CSMD1: variants seen among roughly 807,000 people sequenced by gnomAD.
The protein encoded by CSMD1 is CUB and sushi domain-containing protein 1.
Under a neutral mutation model 417.5 loss-of-function variants are expected in CSMD1, and 213 were observed. That is an observed-to-expected ratio of 0.51 (90% CI 0.46 to 0.57). The LOEUF is 0.57. Among genes scored for constraint, CSMD1 ranks in the 20% least tolerant of loss-of-function variants. CSMD1 has a pLI of 0.00. For missense variants in CSMD1, 6,923 were observed against 4,529.7 expected (o/e 1.53, Z -15.17); for synonymous variants, 2,862 against 1,736.8 (o/e 1.65, Z -16.11).
At chr8:4,761,145 G>C (rs987791370) in intron 1 of CSMD1, among the ~76,000 whole-genome samples, 2 of 151,956 alleles carry the variant, frequency 1.3e-5, no homozygotes, top group Non-Finnish European at 2.9e-5. Flanking sequence ...ACACGTAAAG[G>C]AAATGAAAAA....
intron 2 of CSMD1, among the ~76,000 whole-genome samples, chr8:4,543,888 G>A (rs1020072794): frequency 1.3e-5 from 2 of 152,148 alleles, no homozygotes; most frequent in African/African-American, 2.4e-5. Context: ...GACATAAGAT[G>A]TGGAGCGCCT....
At chr8:4,510,169 G>A (rs1563243819) in intron 2 of CSMD1, among the ~76,000 whole-genome samples, 1 of 151,868 alleles carries the variant, frequency 6.6e-6, no homozygotes, top group Admixed American at 6.6e-5. Flanking sequence ...TGGAAGACGT[G>A]ACTTTGCTCC....
intron 6 of CSMD1, among the ~76,000 whole-genome samples, chr8:3,729,922 T>TAAAAAAAAAAAAAAAAAAAAAA (rs1160679199): frequency 2.1e-5 from 1 of 47,062 alleles, no homozygotes; most frequent in African/African-American, 1.4e-4. Flanking sequence ...CAATTCAAAG[T>TAAAAAAAAAAAAAAAAAAAAAA]AAAAAAAAAA....
intron 5 of CSMD1, among the ~76,000 whole-genome samples, chr8:3,760,240 G>A (rs1301359187): frequency 6.6e-6 from 1 of 152,178 alleles, no homozygotes; most frequent in African/African-American, 2.4e-5. Context: ...AGCTCCTTTA[G>A]AGATGGCAAA....
chr8:4,378,075 T>A (rs1285926412), intron 3 of CSMD1, among the ~76,000 whole-genome samples: 1 of 152,180 alleles, frequency 6.6e-6, no homozygotes, highest in Non-Finnish European at 1.5e-5. Flanking sequence ...AATTACAGAC[T>A]CCGAAGGTGA....
chr8:4,557,822 T>A (rs1046884087), intron 2 of CSMD1, among the ~76,000 whole-genome samples: 1 of 152,220 alleles, frequency 6.6e-6, no homozygotes, highest in Non-Finnish European at 1.5e-5. Context: ...CATTTCTCGT[T>A]ACGTTTCATA....
At chr8:3,973,317 G>A (rs1415019223) in intron 5 of CSMD1, among the ~76,000 whole-genome samples, 1 of 152,124 alleles carries the variant, frequency 6.6e-6, no homozygotes, top group Non-Finnish European at 1.5e-5. Flanking sequence ...AATATCAGTT[G>A]AATGTCTGCA....
chr8:3,226,028 C>T (rs1281971516), intron 27 of CSMD1, among the ~76,000 whole-genome samples: 2 of 152,202 alleles, frequency 1.3e-5, no homozygotes, highest in African/African-American at 2.4e-5. Context: ...AGCTCCTTCA[C>T]CACCAGGGTT....
chr8:3,128,432 A>C (rs1451054273), intron 41 of CSMD1: 1 of 161,832 alleles, frequency 6.2e-6, no homozygotes, highest in African/African-American at 2.4e-5. Context: ...GTCATAAATA[A>C]ATGACAAACT....
chr8:3,380,708 G>T (rs558024126), intron 18 of CSMD1, among the ~76,000 whole-genome samples: 2 of 152,156 alleles, frequency 1.3e-5, no homozygotes. Flanking sequence ...ATGGACACAG[G>T]CTGGGGAAAC....
intron 6 of CSMD1, among the ~76,000 whole-genome samples, chr8:3,748,186 A>G (rs997400309): frequency 2.6e-5 from 4 of 152,230 alleles, no homozygotes; most frequent in African/African-American, 9.6e-5. Context: ...GAGAGAAATT[A>G]AAGTAGATAT....
chr8:3,330,279 TA>T (rs1224770063), intron 23 of CSMD1, among the ~76,000 whole-genome samples: 1 of 152,164 alleles, frequency 6.6e-6, no homozygotes, highest in Admixed American at 6.5e-5. Flanking sequence ...TGTTCTACCA[TA>T]AAGACATACT....
chr8:4,875,538 C>T (rs1802992503), intron 1 of CSMD1, among the ~76,000 whole-genome samples: 1 of 152,080 alleles, frequency 6.6e-6, no homozygotes, highest in South Asian at 2.1e-4. Context: ...GCGCCATCTA[C>T]TGTCCAACTC....
At chr8:3,516,976 G>T (rs533756631) in intron 10 of CSMD1, among the ~76,000 whole-genome samples, 9 of 152,188 alleles carry the variant, frequency 5.9e-5, no homozygotes, top group African/African-American at 2.2e-4. Flanking sequence ...TAAGAATGAG[G>T]GTGAAAACAC....
At chr8:4,583,722 G>C (rs1030110991) in intron 2 of CSMD1, among the ~76,000 whole-genome samples, 1 of 152,066 alleles carries the variant, frequency 6.6e-6, no homozygotes, top group Non-Finnish European at 1.5e-5. Context: ...AAACACACCA[G>C]TCAGCACCCT....
At chr8:3,897,405 G>A (rs571219832) in intron 5 of CSMD1, among the ~76,000 whole-genome samples, 1 of 152,174 alleles carries the variant, frequency 6.6e-6, no homozygotes, top group African/African-American at 2.4e-5. Context: ...AAAACAAAAT[G>A]TTTCTCAAAG....
intron 3 of CSMD1, among the ~76,000 whole-genome samples, chr8:4,036,093 G>C (rs573375880): frequency 4.7e-4 from 72 of 152,304 alleles, no homozygotes; most frequent in African/African-American, 1.7e-3. Context: ...ATGCTGTACA[G>C]GTTTGCACTC....
chr8:4,652,858 G>A lies in CSMD1; in HGVS notation c.86-15300C>T, dbSNP rs147455013. Among the ~76,000 whole-genome samples the A allele has an allele frequency of 2.1e-3, 323 of 152,156 alleles. 5 individuals are homozygous for A. Among genetic ancestry groups the A allele is most frequent in the South Asian group, 0.015 (72 of 4,796 alleles). ...ACAAACTAGATCCCTTGCGTGCACC[G>A]TTCACAATAGGGTTCATGCTCCTGT... On this transcript the variant is annotated intron_variant, in intron 1 of 69. Transcript: ENST00000635120.
chr8:4,619,556 A>G (rs919490624), intron 2 of CSMD1, among the ~76,000 whole-genome samples: 1 of 152,170 alleles, frequency 6.6e-6, no homozygotes, highest in East Asian at 1.9e-4. Context: ...TGCATCTTGC[A>G]TTAGTGTTTT....
Sources: allele counts gnomAD v4.1 joint callset (sites outside exome capture counted in the v4.1 genomes callset), GRCh38; gene constraint gnomAD v4.1.1; transcripts MANE v1.5; gene names NCBI Gene and HGNC (gene_info 2026-07-23, HGNC 2026-07-21).